The following NCR1 variants were observed in gnomAD, a reference collection of about 807,000 sequenced individuals.
NCR1 encodes the protein natural cytotoxicity triggering receptor 1.
NCR1 carries 30 observed loss-of-function variants against 32.5 expected under a neutral mutation model. The ratio of observed to expected loss-of-function variants is 0.92; its 90% CI spans 0.69 to 1.25. The LOEUF is 1.25. Among genes scored for constraint, NCR1 ranks in the 50% most tolerant of loss-of-function variants. NCR1 has a pLI of 0.00. For missense variants in NCR1, 369 were observed against 380.7 expected, an observed-to-expected ratio of 0.97 and a Z score of 0.26; for synonymous variants, 169 against 143.4, an observed-to-expected ratio of 1.18 and a Z score of -1.28.
chr19:54,913,370 A>G (rs2068066707), downstream of NCR1, among the ~76,000 whole-genome samples: 1 of 152,192 alleles, frequency 6.6e-6, no homozygotes. Context: ...TTTCTTCTGT[A>G]GACAAATCCT....
chr19:54,917,610 C>T (rs1247299371), downstream of NCR1, among the ~76,000 whole-genome samples: 1 of 152,154 alleles, frequency 6.6e-6, no homozygotes, highest in African/African-American at 2.4e-5. Flanking sequence ...CCCCCGCACC[C>T]AGCCTAGGAT....
At chr19:54,913,791 G>A (rs1444042630), downstream of NCR1, among the ~76,000 whole-genome samples, 1 of 152,096 alleles carries the variant, frequency 6.6e-6, no homozygotes, top group Non-Finnish European at 1.5e-5. Flanking sequence ...AACTCGGCCA[G>A]GCACGGTGGC....
chr19:54,904,147 AGAAAAAG>A (rs2067394277), upstream of NCR1, among the ~76,000 whole-genome samples: 1 of 93,478 alleles, frequency 1.1e-5, no homozygotes, highest in African/African-American at 5.1e-5. Flanking sequence ...AAAAAAAGAA[AGAAAAAG>A]AAAAAGAAAA....
chr19:54,903,409 TACACGC>T (rs2067353319), upstream of NCR1, among the ~76,000 whole-genome samples: 1 of 144,110 alleles, frequency 6.9e-6, no homozygotes, highest in African/African-American at 2.6e-5. Flanking sequence ...TATGTATGTA[TACACGC>T]ATACATGTAT....
chr19:54,937,028 C>A, the NCR1 span, among the ~76,000 whole-genome samples: 2 of 151,944 alleles, frequency 1.3e-5, no homozygotes, highest in Non-Finnish European at 2.9e-5. Context: ...ACCATCCTGG[C>A]TAACACGGTG....
chr19:54,911,410 G>GTGTGTATA (rs2067972523), intron 5 of NCR1, among the ~76,000 whole-genome samples: 1 of 150,972 alleles, frequency 6.6e-6, no homozygotes, highest in Non-Finnish European at 1.5e-5. Context: ...ATTTCACTAT[G>GTGTGTATA]TGTGAGGAGA....
At chr19:54,936,403 A>T in the NCR1 span, 1 of 1,614,044 alleles carries the variant, frequency 6.2e-7, no homozygotes, top group Non-Finnish European at 8.5e-7. Context: ...AAGTCCCGGT[A>T]CGCGGTGTCA....
At chr19:54,900,099 G>A in the NCR1 span, among the ~76,000 whole-genome samples, 1 of 152,106 alleles carries the variant, frequency 6.6e-6, no homozygotes, top group Non-Finnish European at 1.5e-5. Context: ...GGTCGTAGGT[G>A]GATCTTTCTC....
chr19:54,932,718 C>G, the NCR1 span, among the ~76,000 whole-genome samples: 1 of 152,012 alleles, frequency 6.6e-6, no homozygotes, highest in Non-Finnish European at 1.5e-5. Flanking sequence ...TGCAGTGGCG[C>G]CATCTCAGCT....
downstream of NCR1, among the ~76,000 whole-genome samples, chr19:54,914,067 CAAAAAAAAAAAGAA>C (rs926313134): frequency 4.1e-5 from 4 of 98,492 alleles, no homozygotes; most frequent in African/African-American, 1.5e-4. Flanking sequence ...GATTCTGTCT[CAAAAAAAAAAAGAA>C]AAAAAAAAAA....
chr19:54,925,178 G>A, the NCR1 span, among the ~76,000 whole-genome samples: 1 of 152,046 alleles, frequency 6.6e-6, no homozygotes, highest in African/African-American at 2.4e-5. Context: ...AGGAGGAACT[G>A]AGGAATGAGA....
At chr19:54,929,241 C>T in the NCR1 span, among the ~76,000 whole-genome samples, 2 of 151,854 alleles carry the variant, frequency 1.3e-5, no homozygotes, top group Non-Finnish European at 1.5e-5. Flanking sequence ...TGGTGGTGCA[C>T]GCCTGTAATC....
chr19:54,914,621 G>C (rs1050125973), downstream of NCR1, among the ~76,000 whole-genome samples: 6 of 152,092 alleles, frequency 3.9e-5, no homozygotes, highest in Admixed American at 3.3e-4. Flanking sequence ...TTACAGGTGT[G>C]AGTCACCGTA....
the NCR1 span, among the ~76,000 whole-genome samples, chr19:54,922,141 C>G: frequency 6.6e-6 from 1 of 152,044 alleles, no homozygotes; most frequent in East Asian, 2.0e-4. Flanking sequence ...GATCCGCCCG[C>G]CTCGGCCTCC....
Position 54,906,345 on chromosome 19 carries a change from C to G in NCR1, c.70+11C>G, listed in dbSNP as rs771576031. The G allele has an allele frequency of 1.5e-5, 25 of 1,612,918 alleles. No individual in the cohort carries two copies. In the East Asian group the frequency reaches 4.2e-4, roughly 27 times the overall value. Reference sequence around the variant, plus strand: ...TCAGCGCCCAGCAGCGTGAGTCCTTCCTTCAAAGCCCAGGGTCACTCTTCC... The same window carrying G: ...TCAGCGCCCAGCAGCGTGAGTCCTTGCTTCAAAGCCCAGGGTCACTCTTCC... On this transcript the variant is annotated intron_variant, in intron 2 of 6. Coordinates refer to ENST00000291890, the MANE Select transcript of NCR1 (RefSeq NM_004829.7).
At chr19:54,906,853 C>G in intron 3 of NCR1, 46 bp downstream of exon 3, 1 of 1,597,624 alleles carries the variant, frequency 6.3e-7, no homozygotes, top group Non-Finnish European at 8.5e-7. Flanking sequence ...AGTCTGCATC[C>G]GGGATGCAGC....
At chr19:54,932,927 T>C in the NCR1 span, among the ~76,000 whole-genome samples, 1 of 151,818 alleles carries the variant, frequency 6.6e-6, no homozygotes, top group Non-Finnish European at 1.5e-5. Context: ...CAATAACCTA[T>C]GGAAATAAAA....
chr19:54,925,280 CCCA>C, the NCR1 span, among the ~76,000 whole-genome samples: 1 of 152,236 alleles, frequency 6.6e-6, no homozygotes, highest in South Asian at 2.1e-4. Flanking sequence ...AGACCTCGGT[CCCA>C]CCAACAAGAG....
At chr19:54,898,500 G>A in the NCR1 span, among the ~76,000 whole-genome samples, 1 of 152,170 alleles carries the variant, frequency 6.6e-6, no homozygotes, top group South Asian at 2.1e-4. Flanking sequence ...TTGCTATTTG[G>A]CTGCCTCTAC....
Sources: gnomAD v4.1 joint callset for allele counts (sites outside exome capture counted in the v4.1 genomes callset) on GRCh38, gnomAD v4.1.1 for gene constraint, MANE v1.5 for transcripts, NCBI Gene and HGNC (gene_info 2026-07-23, HGNC 2026-07-21) for gene names.